The following CACNA2D3 variants were observed in gnomAD, a reference collection of about 807,000 sequenced individuals.
CACNA2D3 encodes the protein calcium voltage-gated channel auxiliary subunit alpha2delta 3.
Under a neutral mutation model 160.6 loss-of-function variants are expected in CACNA2D3, and 60 were observed. That is an observed-to-expected ratio of 0.37 (90% CI 0.30 to 0.46). The LOEUF is 0.46. CACNA2D3 is among the 20% of genes least tolerant of loss of function. The pLI, the probability that CACNA2D3 is intolerant of heterozygous loss-of-function variation, is 1.00. For synonymous variants in CACNA2D3, 558 were observed against 492.9 expected, an observed-to-expected ratio of 1.13 and a Z score of -1.75; for missense variants, 1,205 against 1,365.0, an observed-to-expected ratio of 0.88 and a Z score of 1.85.
intron 5 of CACNA2D3, among the ~76,000 whole-genome samples, chr3:54,546,041 A>G (rs1223393304): frequency 2.6e-5 from 4 of 152,176 alleles, no homozygotes; most frequent in African/African-American, 4.8e-5. Flanking sequence ...AAGATCCCCT[A>G]TTCTGCCTCG....
At chr3:54,281,402 G>C (rs1297535591) in intron 2 of CACNA2D3, among the ~76,000 whole-genome samples, 1 of 152,098 alleles carries the variant, frequency 6.6e-6, no homozygotes, top group African/African-American at 2.4e-5. Flanking sequence ...GACCACGTGG[G>C]AGCTAGGTAT....
intron 11 of CACNA2D3, among the ~76,000 whole-genome samples, chr3:54,668,043 C>T (rs955647927): frequency 2.6e-5 from 4 of 151,766 alleles, no homozygotes; most frequent in Non-Finnish European, 4.4e-5. Context: ...TTTCTTATTC[C>T]GAAATTCAGA....
At chr3:54,684,716 C>T (rs1400864306) in intron 11 of CACNA2D3, among the ~76,000 whole-genome samples, 1 of 150,984 alleles carries the variant, frequency 6.6e-6, no homozygotes, top group Non-Finnish European at 1.5e-5. Flanking sequence ...CAGGAGACAG[C>T]GTACAAAATT....
At chr3:54,970,625 C>T (rs1459958979) in intron 29 of CACNA2D3, among the ~76,000 whole-genome samples, 2 of 122,398 alleles carry the variant, frequency 1.6e-5, no homozygotes, top group East Asian at 2.7e-4. Flanking sequence ...GCTCTCCTCT[C>T]CTCTCCTCTT....
At chr3:54,445,608 A>C (rs2106804614) in intron 4 of CACNA2D3, among the ~76,000 whole-genome samples, 1 of 148,434 alleles carries the variant, frequency 6.7e-6, no homozygotes, top group African/African-American at 2.5e-5. Context: ...AGAAGGAGAA[A>C]ATGGAGCATT....
intron 3 of CACNA2D3, among the ~76,000 whole-genome samples, chr3:54,329,967 T>C (rs1575398726): frequency 6.6e-6 from 1 of 152,194 alleles, no homozygotes; most frequent in Non-Finnish European, 1.5e-5. Context: ...TTACATTTTC[T>C]AAATTAGGTT....
At chr3:54,833,465 C>A (rs1407293847) in intron 14 of CACNA2D3, among the ~76,000 whole-genome samples, 1 of 152,122 alleles carries the variant, frequency 6.6e-6, no homozygotes, top group African/African-American at 2.4e-5. Context: ...ATAAGCAGCA[C>A]CCTTGCCTCA....
At chr3:54,401,468 T>G (rs1469833205) in intron 4 of CACNA2D3, among the ~76,000 whole-genome samples, 2 of 152,094 alleles carry the variant, frequency 1.3e-5, no homozygotes, top group Non-Finnish European at 2.9e-5. Flanking sequence ...CTATCAAAAG[T>G]CAATGACAAA....
chr3:54,291,817 C>T (rs554623002), intron 2 of CACNA2D3, among the ~76,000 whole-genome samples: 1 of 152,266 alleles, frequency 6.6e-6, no homozygotes, highest in African/African-American at 2.4e-5. Context: ...GGAACATTTA[C>T]ATTGATTCAC....
intron 24 of CACNA2D3, among the ~76,000 whole-genome samples, chr3:54,890,253 T>C (rs920300333): frequency 6.6e-6 from 1 of 152,030 alleles, no homozygotes; most frequent in Non-Finnish European, 1.5e-5. Flanking sequence ...TCCCAGCACT[T>C]TGGGAGGCCG....
intron 13 of CACNA2D3, among the ~76,000 whole-genome samples, chr3:54,787,249 T>C (rs1439733729): frequency 6.6e-6 from 1 of 152,256 alleles, no homozygotes; most frequent in East Asian, 1.9e-4. Flanking sequence ...ACAGTCTGAT[T>C]CTGTTGGTGT....
chr3:54,954,443 G>C (rs1167001150), intron 27 of CACNA2D3, among the ~76,000 whole-genome samples: 1 of 152,212 alleles, frequency 6.6e-6, no homozygotes, highest in Non-Finnish European at 1.5e-5. Flanking sequence ...ACTCCTCACT[G>C]CTCTGGTAGT....
At chr3:54,149,500 G>A (rs983129966) in intron 2 of CACNA2D3, among the ~76,000 whole-genome samples, 5 of 152,108 alleles carry the variant, frequency 3.3e-5, no homozygotes, top group African/African-American at 1.2e-4. Flanking sequence ...GAAAGTATTC[G>A]GAGTGAGGCG....
At chr3:54,358,560 G>T (rs968451513) in intron 3 of CACNA2D3, among the ~76,000 whole-genome samples, 4 of 152,212 alleles carry the variant, frequency 2.6e-5, no homozygotes, top group Non-Finnish European at 4.4e-5. Flanking sequence ...AGGGAGAACA[G>T]GGGCGCCTCA....
intron 9 of CACNA2D3, among the ~76,000 whole-genome samples, chr3:54,618,354 T>TAC (rs150317378): frequency 0.028 from 2,462 of 86,890 alleles, 97 homozygotes; most frequent in African/African-American, 0.094. Context: ...GATACATACA[T>TAC]ATATATATAT....
intron 9 of CACNA2D3, among the ~76,000 whole-genome samples, chr3:54,583,598 G>A (rs552491728): frequency 6.6e-6 from 1 of 152,272 alleles, no homozygotes; most frequent in East Asian, 1.9e-4. Flanking sequence ...TACGGGTTGA[G>A]CATCCCTAAT....
chr3:54,960,349 CATACCACAGGGA>C, intron 27 of CACNA2D3, among the ~76,000 whole-genome samples: 1 of 152,268 alleles, frequency 6.6e-6, no homozygotes, highest in African/African-American at 2.4e-5. Flanking sequence ...ACCAACCCCC[CATACCACAGGGA>C]ATACTTCAGA....
intron 4 of CACNA2D3, among the ~76,000 whole-genome samples, chr3:54,468,232 C>G (rs146326515): frequency 2.6e-5 from 4 of 152,120 alleles, no homozygotes; most frequent in Non-Finnish European, 4.4e-5. Flanking sequence ...ACTGAGGTAC[C>G]AAGTCATCTC....
intron 2 of CACNA2D3, among the ~76,000 whole-genome samples, chr3:54,129,566 C>T (rs1186199219): frequency 2.0e-5 from 3 of 152,222 alleles, no homozygotes; most frequent in Non-Finnish European, 4.4e-5. Flanking sequence ...AAAGCATTAT[C>T]TTTTCACAAG....
Sources: gnomAD v4.1 joint callset for allele counts (sites outside exome capture counted in the v4.1 genomes callset) on GRCh38, gnomAD v4.1.1 for gene constraint, MANE v1.5 for transcripts, NCBI Gene and HGNC (gene_info 2026-07-23, HGNC 2026-07-21) for gene names.